Variants in SLC25A26 observed in about 807,000 individuals in gnomAD.
SLC25A26 encodes the protein solute carrier family 25 member 26.
SLC25A26 carries 36 observed loss-of-function variants against 37.8 expected under a neutral mutation model. That is an observed-to-expected ratio of 0.95 (90% CI 0.73 to 1.26). The LOEUF (loss-of-function observed/expected upper bound fraction) is 1.26, where lower values mean the gene tolerates loss of function less well. SLC25A26 is among the 50% of genes most tolerant of loss of function. The pLI, the probability that SLC25A26 is intolerant of heterozygous loss-of-function variation, is 0.00. For synonymous variants in SLC25A26, 129 were observed against 122.5 expected, an observed-to-expected ratio of 1.05 and a Z score of -0.35; for missense variants, 390 against 331.1, an observed-to-expected ratio of 1.18 and a Z score of -1.38.
At chr3:66,162,038 T>C (rs2070366599) in intron 1 of SLC25A26, among the ~76,000 whole-genome samples, 1 of 152,130 alleles carries the variant, frequency 6.6e-6, no homozygotes, top group South Asian at 2.1e-4. Flanking sequence ...CAAGAGAAAT[T>C]GATTTTCTCA....
At chr3:66,374,664 G>A (rs1575627014) in intron 9 of SLC25A26, among the ~76,000 whole-genome samples, 1 of 152,172 alleles carries the variant, frequency 6.6e-6, no homozygotes, top group African/African-American at 2.4e-5. Context: ...GTGGCAGATG[G>A]CTTGAGCCCA....
intron 1 of SLC25A26, among the ~76,000 whole-genome samples, chr3:66,208,886 ACACCTT>A (rs2071222645): frequency 1.1e-3 from 33 of 30,866 alleles, no homozygotes; most frequent in South Asian, 8.3e-3. Context: ...ATATATATAT[ACACCTT>A]TATATGGGTA....
chr3:66,224,634 A>G (rs2071655906), intron 1 of SLC25A26, among the ~76,000 whole-genome samples: 2 of 152,176 alleles, frequency 1.3e-5, no homozygotes, highest in South Asian at 2.1e-4. Context: ...CTATCCTCAC[A>G]TTTCAAAACC....
chr3:66,320,268 C>T (rs962414059), intron 5 of SLC25A26, among the ~76,000 whole-genome samples: 1 of 152,084 alleles, frequency 6.6e-6, no homozygotes, highest in Admixed American at 6.6e-5. Context: ...CCCCACTCTC[C>T]CCTCACCCCA....
chr3:66,267,159 A>G (rs2073785789), intron 5 of SLC25A26, among the ~76,000 whole-genome samples: 1 of 152,180 alleles, frequency 6.6e-6, no homozygotes, highest in African/African-American at 2.4e-5. Flanking sequence ...AAGTATATAC[A>G]AGATGCAGGT....
At chr3:66,371,877 G>A (rs1266994067) in intron 9 of SLC25A26, among the ~76,000 whole-genome samples, 3 of 152,120 alleles carry the variant, frequency 2.0e-5, no homozygotes, top group Non-Finnish European at 2.9e-5. Flanking sequence ...CAGGAGGGTC[G>A]CTCGAAGTTA....
chr3:66,364,715 A>T (rs1333656837), intron 7 of SLC25A26, among the ~76,000 whole-genome samples: 2 of 152,238 alleles, frequency 1.3e-5, no homozygotes, highest in East Asian at 3.8e-4. Flanking sequence ...AACATCCAGA[A>T]AATGAAAACC....
intron 1 of SLC25A26, 163 bp downstream of exon 1, chr3:66,221,290 G>T (rs1187331147): frequency 3.3e-6 from 1 of 306,202 alleles, no homozygotes; most frequent in Non-Finnish European, 4.8e-6. Context: ...CAGGCCACCG[G>T]CGGGCCAGGT....
chr3:66,310,486 A>C (rs1576849210), intron 5 of SLC25A26, among the ~76,000 whole-genome samples: 2 of 152,210 alleles, frequency 1.3e-5, no homozygotes, highest in South Asian at 2.1e-4. Context: ...TGGGGCATCT[A>C]GCCCATTTAC....
At chr3:66,280,663 C>G (rs114977178) in intron 5 of SLC25A26, among the ~76,000 whole-genome samples, 2,051 of 152,186 alleles carry the variant, frequency 0.013, 58 homozygotes, top group African/African-American at 0.047. Context: ...GTAACACCAC[C>G]TTTTTCTTTT....
At chr3:66,208,092 T>C (rs1258937243) in intron 1 of SLC25A26, among the ~76,000 whole-genome samples, 2 of 152,194 alleles carry the variant, frequency 1.3e-5, no homozygotes, top group African/African-American at 4.8e-5. Flanking sequence ...TTCCAAGCGA[T>C]TAGTCAATGG....
rs191259936 is a variant in SLC25A26 at position 66,324,689 on chromosome 3, G to A, written c.454-21675G>A. ...GGCCTACACCCAGGAATGAACAAGGGCAGCTTGGGAGGCTAGAAGCAAGAT... is the reference window on the plus strand; with the variant it reads ...GGCCTACACCCAGGAATGAACAAGGACAGCTTGGGAGGCTAGAAGCAAGAT... On this transcript the variant is annotated intron_variant, in intron 5 of 9. Coordinates refer to ENST00000354883, the MANE Select transcript of SLC25A26 (RefSeq NM_001379210.1). Among the ~76,000 whole-genome samples, 339 of 152,274 alleles carry A rather than the reference G, an allele frequency of 2.2e-3. 1 individual carries two copies. The highest frequency in any genetic ancestry group is 4.3e-3 in the Admixed American group (66 of 15,300).
intron 7 of SLC25A26, among the ~76,000 whole-genome samples, chr3:66,363,432 T>G (rs1282643867): frequency 1.7e-5 from 1 of 57,390 alleles, no homozygotes; most frequent in Admixed American, 1.8e-4. Flanking sequence ...GTAGGAAGTA[T>G]GGAGATCTAC....
intron 1 of SLC25A26, among the ~76,000 whole-genome samples, chr3:66,146,531 T>C (rs1190223807): frequency 1.3e-5 from 2 of 152,112 alleles, no homozygotes; most frequent in Admixed American, 6.5e-5. Flanking sequence ...TGAATATGTA[T>C]TATTTGTACA....
chr3:66,282,574 G>A (rs369723185), intron 5 of SLC25A26, among the ~76,000 whole-genome samples: 7 of 152,228 alleles, frequency 4.6e-5, no homozygotes, highest in Admixed American at 3.9e-4. Flanking sequence ...GTGGGGAGTG[G>A]TATTTAGAAA....
At chr3:66,230,429 G>T (rs1271978869) in intron 1 of SLC25A26, among the ~76,000 whole-genome samples, 3 of 152,038 alleles carry the variant, frequency 2.0e-5, no homozygotes, top group Admixed American at 6.6e-5. Flanking sequence ...TTTGTCAGGG[G>T]TGTGTGTGTG....
intron 5 of SLC25A26, among the ~76,000 whole-genome samples, chr3:66,297,367 C>G (rs1174109439): frequency 4.7e-5 from 7 of 149,328 alleles, no homozygotes; most frequent in Admixed American, 4.0e-4. Flanking sequence ...GGCATTAATT[C>G]TAGAACTGAG....
At chr3:66,174,994 C>T (rs1231480990) in intron 1 of SLC25A26, among the ~76,000 whole-genome samples, 2 of 150,958 alleles carry the variant, frequency 1.3e-5, no homozygotes, top group African/African-American at 4.9e-5. Flanking sequence ...GTACACTGGG[C>T]ATAATGGTGG....
chr3:66,334,455 C>T (rs549381840), intron 5 of SLC25A26, among the ~76,000 whole-genome samples: 5 of 152,208 alleles, frequency 3.3e-5, no homozygotes, highest in South Asian at 2.1e-4. Flanking sequence ...GCTGGGATTA[C>T]AGATGTGTGC....
Sources: allele counts gnomAD v4.1 joint callset (sites outside exome capture counted in the v4.1 genomes callset), GRCh38; gene constraint gnomAD v4.1.1; transcripts MANE v1.5; gene names NCBI Gene and HGNC (gene_info 2026-07-23, HGNC 2026-07-21).